FRMD4A: variants seen among roughly 807,000 people sequenced by gnomAD.
FRMD4A encodes FERM domain-containing protein 4A.
In FRMD4A, 29 loss-of-function variants were observed where a neutral mutation model predicts 129.1. That is an observed-to-expected ratio of 0.22 (90% CI 0.17 to 0.31). The LOEUF is 0.31. FRMD4A is among the 10% of genes least tolerant of loss of function. The pLI, the probability that FRMD4A is intolerant of heterozygous loss-of-function variation, is 1.00. For missense variants in FRMD4A, 1,272 were observed against 1,375.8 expected (o/e 0.92, Z 1.19); for synonymous variants, 634 against 571.6 (o/e 1.11, Z -1.56).
At chr10:14,257,128 C>T (rs1377078568) in intron 2 of FRMD4A, among the ~76,000 whole-genome samples, 1 of 151,918 alleles carries the variant, frequency 6.6e-6, no homozygotes, top group Non-Finnish European at 1.5e-5. Flanking sequence ...ATAAGGAGTT[C>T]GAGACCAGCC....
At chr10:13,748,023 C>T (rs17153876) in intron 8 of FRMD4A, among the ~76,000 whole-genome samples, 1,924 of 152,314 alleles carry the variant, frequency 0.013, 79 homozygotes, top group South Asian at 0.12. Flanking sequence ...CAGTAACCGC[C>T]TTTCACCGTG....
intron 3 of FRMD4A, among the ~76,000 whole-genome samples, chr10:13,829,411 G>A (rs1373653527): frequency 6.6e-6 from 1 of 152,164 alleles, no homozygotes; most frequent in African/African-American, 2.4e-5. Context: ...TGTGGTCCCA[G>A]CACAGGAGTT....
At chr10:14,063,561 T>TA (rs11394360) in intron 2 of FRMD4A, among the ~76,000 whole-genome samples, 134,108 of 148,008 alleles carry the variant, frequency 0.91, 60,988 homozygotes, top group East Asian at 1. Flanking sequence ...CTTTTCTCAT[T>TA]AAAAAAAAAA....
intron 8 of FRMD4A, among the ~76,000 whole-genome samples, chr10:13,753,529 A>G (rs1389366923): frequency 1.3e-5 from 2 of 148,294 alleles, no homozygotes; most frequent in East Asian, 2.0e-4. Flanking sequence ...TTGATGAAAT[A>G]TGTACCTTTC....
chr10:13,953,066 C>T (rs1417539951), intron 2 of FRMD4A, among the ~76,000 whole-genome samples: 1 of 152,124 alleles, frequency 6.6e-6, no homozygotes, highest in Non-Finnish European at 1.5e-5. Context: ...TAGCTATTAC[C>T]TTACACCAGC....
intron 2 of FRMD4A, among the ~76,000 whole-genome samples, chr10:13,970,368 G>A (rs1169510105): frequency 6.6e-6 from 1 of 152,150 alleles, no homozygotes; most frequent in East Asian, 1.9e-4. Context: ...AAATCAACCC[G>A]ACACCCTTGG....
intron 2 of FRMD4A, among the ~76,000 whole-genome samples, chr10:14,255,723 C>T (rs966349886): frequency 1.3e-5 from 2 of 152,026 alleles, no homozygotes; most frequent in African/African-American, 4.8e-5. Flanking sequence ...ATTTTGGTTG[C>T]CAGGCTGGGC....
intron 2 of FRMD4A, among the ~76,000 whole-genome samples, chr10:14,261,761 A>T (rs1456294954): frequency 6.6e-6 from 1 of 151,984 alleles, no homozygotes; most frequent in African/African-American, 2.4e-5. Context: ...TTTGTCTATA[A>T]CCTGAGAGGG....
intron 2 of FRMD4A, among the ~76,000 whole-genome samples, chr10:13,891,930 C>T (rs1361671164): frequency 2.0e-5 from 3 of 148,662 alleles, no homozygotes; most frequent in Non-Finnish European, 3.0e-5. Context: ...CCGAGCCAGT[C>T]CCCGGCGCGC....
At chr10:13,717,396 C>G (rs934599210) in intron 12 of FRMD4A, among the ~76,000 whole-genome samples, 1 of 152,112 alleles carries the variant, frequency 6.6e-6, no homozygotes, top group Non-Finnish European at 1.5e-5. Context: ...TCAGAGCAAC[C>G]TCTACTTCCC....
chr10:14,327,573 T>G (rs1255444267), intron 2 of FRMD4A, among the ~76,000 whole-genome samples: 1 of 152,204 alleles, frequency 6.6e-6, no homozygotes, highest in Non-Finnish European at 1.5e-5. Flanking sequence ...CCCTCCAGAC[T>G]CTGTGGCCGC....
At chr10:13,705,448 G>A (rs1158047442) in intron 13 of FRMD4A, among the ~76,000 whole-genome samples, 2 of 152,094 alleles carry the variant, frequency 1.3e-5, no homozygotes, top group African/African-American at 4.8e-5. Flanking sequence ...CATGGCGGAG[G>A]GTCTATTCCC....
chr10:13,964,132 GAA>G (rs57593743), intron 2 of FRMD4A, among the ~76,000 whole-genome samples: 37 of 124,412 alleles, frequency 3.0e-4, no homozygotes, highest in East Asian at 2.7e-3. Flanking sequence ...ACAGGCATTA[GAA>G]AAAAAAAAAA....
At chr10:14,035,426 AAAC>A (rs1298232559) in intron 2 of FRMD4A, among the ~76,000 whole-genome samples, 2 of 125,986 alleles carry the variant, frequency 1.6e-5, no homozygotes, top group Non-Finnish European at 3.8e-5. Flanking sequence ...ACAAACAAAT[AAAC>A]AAAAAAAAAA....
At chr10:14,093,314 T>C (rs1836762162) in intron 2 of FRMD4A, among the ~76,000 whole-genome samples, 1 of 152,222 alleles carries the variant, frequency 6.6e-6, no homozygotes, top group African/African-American at 2.4e-5. Context: ...GATTTTAGTG[T>C]CTTTTAATAA....
chr10:13,894,457 C>T (rs548980582), intron 2 of FRMD4A, among the ~76,000 whole-genome samples: 1 of 152,200 alleles, frequency 6.6e-6, no homozygotes, highest in Non-Finnish European at 1.5e-5. Context: ...AGCTACAGAA[C>T]CCTCTTCCAG....
chr10:14,325,203 C>T (rs1012826467), intron 2 of FRMD4A, among the ~76,000 whole-genome samples: 11 of 152,152 alleles, frequency 7.2e-5, no homozygotes, highest in African/African-American at 2.4e-4. Flanking sequence ...TTGGGATCTG[C>T]GGAAAAGCCA....
At chr10:13,761,997 G>T (rs112042279) in intron 7 of FRMD4A, among the ~76,000 whole-genome samples, 1 of 152,124 alleles carries the variant, frequency 6.6e-6, no homozygotes, top group Non-Finnish European at 1.5e-5. Context: ...TAGAACTGTC[G>T]ATTTCTAGGG....
chr10:14,098,935 A>G (rs1210764375), intron 2 of FRMD4A, among the ~76,000 whole-genome samples: 1 of 152,246 alleles, frequency 6.6e-6, no homozygotes, highest in African/African-American at 2.4e-5. Context: ...TTTCAGTGGT[A>G]GGACCTTGGA....
Sources: allele counts gnomAD v4.1 joint callset (sites outside exome capture counted in the v4.1 genomes callset), GRCh38; gene constraint gnomAD v4.1.1; transcripts MANE v1.5; gene names NCBI Gene and HGNC (gene_info 2026-07-23, HGNC 2026-07-21).